PFDN2: variants seen among roughly 807,000 people sequenced by gnomAD.
PFDN2 encodes the protein prefoldin subunit 2, also known as prefoldin 2.
PFDN2 carries 7 observed loss-of-function variants against 18.3 expected under a neutral mutation model. The ratio of observed to expected loss-of-function variants is 0.38; its 90% CI spans 0.22 to 0.72. The LOEUF (loss-of-function observed/expected upper bound fraction) is 0.72, where lower values mean the gene tolerates loss of function less well. Among genes scored for constraint, PFDN2 ranks in the 30% least tolerant of loss-of-function variants. The pLI, the probability that PFDN2 is intolerant of heterozygous loss-of-function variation, is 0.47. For synonymous variants in PFDN2, 76 were observed against 75.0 expected (o/e 1.01, Z -0.07); for missense variants, 181 against 199.1 (o/e 0.91, Z 0.55).
At chr1:161,108,083 C>A (rs1654721782) in intron 1 of PFDN2, among the ~76,000 whole-genome samples, 1 of 149,276 alleles carries the variant, frequency 6.7e-6, no homozygotes, top group South Asian at 2.1e-4. Flanking sequence ...CCACTGCACT[C>A]CAACCTAGGC....
At position 161,100,609 on chromosome 1, in the gene PFDN2, AAATAAT is replaced by A. The variant is rs938638978; in HGVS notation, c.*68_*73del. Reference sequence around the variant, plus strand: ...CAAAAAAATATTACAATAGCAGAGAAAATAATAATAATAACAATAAAGAGAAATTAG... The same window carrying A: ...CAAAAAAATATTACAATAGCAGAGAAAATAATAACAATAAAGAGAAATTAG... On this transcript the variant is annotated 3_prime_UTR_variant, in exon 4 of 4. Transcript: ENST00000368010. 20 of 1,063,894 alleles carry A rather than the reference AAATAAT, an allele frequency of 1.9e-5. No homozygotes were observed. The highest frequency in any genetic ancestry group is 4.8e-5 in the African/African-American group (3 of 62,084). The allele number at this position is 1,063,894 out of a possible 1,614,324, so 65.9% of individuals were successfully genotyped here.
chr1:161,118,030 C>G lies in PFDN2; in HGVS notation c.-4G>C, dbSNP rs967333892. The G allele has an allele frequency of 1.2e-6, 2 of 1,611,178 alleles. No individual in the cohort carries two copies. Among genetic ancestry groups the G allele is most frequent in the Middle Eastern group, 1.7e-4 (1 of 6,052 alleles). On this transcript the variant is annotated 5_prime_UTR_variant, in exon 1 of 4. Transcript: ENST00000368010. ...CGCGACCGCTGTTCTCCGCCATCTT[C>G]GCCGCCTGCTGGGTTTCCGGCCGGC...
intron 1 of PFDN2, among the ~76,000 whole-genome samples, chr1:161,116,549 C>T (rs1269461801): frequency 1.3e-5 from 2 of 152,168 alleles, no homozygotes; most frequent in African/African-American, 2.4e-5. Context: ...GTTCCTTTTC[C>T]CTTCCCCCAC....
At chr1:161,114,593 A>C (rs962145834) in intron 1 of PFDN2, among the ~76,000 whole-genome samples, 4 of 152,212 alleles carry the variant, frequency 2.6e-5, no homozygotes, top group African/African-American at 9.7e-5. Flanking sequence ...CACACACTAT[A>C]TTCTAATCAC....
intron 1 of PFDN2, among the ~76,000 whole-genome samples, chr1:161,109,294 T>C (rs377242692): frequency 6.6e-6 from 1 of 152,236 alleles, no homozygotes; most frequent in Admixed American, 6.5e-5. Context: ...GGTTTCAACT[T>C]AGATTCTTCT....
At chr1:161,105,980 T>G (rs1371482818) in intron 1 of PFDN2, among the ~76,000 whole-genome samples, 1 of 152,164 alleles carries the variant, frequency 6.6e-6, no homozygotes, top group Non-Finnish European at 1.5e-5. Flanking sequence ...AAGTTTCATA[T>G]TGAAATATAA....
At chr1:161,112,193 C>T (rs1654825707) in intron 1 of PFDN2, among the ~76,000 whole-genome samples, 1 of 152,074 alleles carries the variant, frequency 6.6e-6, no homozygotes, top group Non-Finnish European at 1.5e-5. Flanking sequence ...CAGATAATAC[C>T]TGCCTCACAG....
At position 161,100,758 on chromosome 1, in the gene PFDN2, ATCT is replaced by A. The variant is rs2101697295; in HGVS notation, c.387_389del (p.Glu129del). 1 of 1,614,092 alleles carries A rather than the reference ATCT, an allele frequency of 6.2e-7. No homozygotes were observed. Among genetic ancestry groups the A allele is most frequent in the East Asian group, 2.2e-5 (1 of 44,890 alleles). On this transcript the variant is annotated inframe_deletion, in exon 4 of 4. Transcript: ENST00000368010. ...AGTTTTCCTTGGCTGCTGGCTTCTC[ATCT>A]TCTCCCATGAGACGAATGTTGTGCT... is the stretch of plus-strand genomic sequence containing the variant.
chr1:161,117,713 C>T (rs113915633), intron 1 of PFDN2, among the ~76,000 whole-genome samples: 2 of 152,232 alleles, frequency 1.3e-5, no homozygotes, highest in Admixed American at 6.5e-5. Flanking sequence ...CCAGACCCTA[C>T]ATGTCAGGGC....
chr1:161,102,406 G>A (rs758834293), intron 1 of PFDN2, 31 bp from the exon 2 acceptor site: 1 of 1,567,594 alleles, frequency 6.4e-7, no homozygotes, highest in Non-Finnish European at 8.8e-7. Flanking sequence ...ATGAAAGAGG[G>A]GATAGTGGAA....
intron 1 of PFDN2, among the ~76,000 whole-genome samples, chr1:161,110,139 C>T (rs536568739): frequency 1.4e-4 from 22 of 151,866 alleles, no homozygotes; most frequent in African/African-American, 2.4e-4. Flanking sequence ...GCAGGCAGAC[C>T]ACTTGAGCTC....
At chr1:161,101,624 A>T (rs1340175450) in intron 3 of PFDN2, among the ~76,000 whole-genome samples, 1 of 152,232 alleles carries the variant, frequency 6.6e-6, no homozygotes, top group Non-Finnish European at 1.5e-5. Context: ...AACACACACT[A>T]TGAGAAACAT....
In PFDN2 at chr1:161,106,678, C is replaced by A. The variant is rs138441242; in HGVS notation, c.76-4303G>T. Among the ~76,000 whole-genome samples, 219 of 152,274 alleles carry A rather than the reference C, an allele frequency of 1.4e-3. 2 individuals carry two copies. Among genetic ancestry groups the A allele is most frequent in the Admixed American group, 9.9e-3 (151 of 15,280 alleles). On this transcript the variant is annotated intron_variant, in intron 1 of 3. Coordinates refer to ENST00000368010, the MANE Select transcript of PFDN2 (RefSeq NM_012394.4). ...ACTTGAACTCCTGATTCATCTGTTGCCCAGATGGAGTACAGTGGTGCAATC... is the reference window on the plus strand; with the variant it reads ...ACTTGAACTCCTGATTCATCTGTTGACCAGATGGAGTACAGTGGTGCAATC...
intron 3 of PFDN2, 48 bp from the exon 4 acceptor site, chr1:161,100,907 C>T (rs756765239): frequency 1.4e-6 from 2 of 1,417,274 alleles, no homozygotes; most frequent in Non-Finnish European, 9.9e-7. Flanking sequence ...GGACTCCTTT[C>T]CCCCACCTGG....
At chr1:161,110,475 TTTC>T (rs1654781223) in intron 1 of PFDN2, among the ~76,000 whole-genome samples, 1 of 152,236 alleles carries the variant, frequency 6.6e-6, no homozygotes, top group Non-Finnish European at 1.5e-5. Flanking sequence ...CAAATATTAA[TTTC>T]TTATCAAAGC....
At chr1:161,111,229 A>C (rs1654803758) in intron 1 of PFDN2, among the ~76,000 whole-genome samples, 1 of 152,178 alleles carries the variant, frequency 6.6e-6, no homozygotes, top group African/African-American at 2.4e-5. Context: ...AAGTACTGGG[A>C]TCCAAGTAGC....
chr1:161,116,465 G>A (rs1654926544), intron 1 of PFDN2, among the ~76,000 whole-genome samples: 9 of 151,352 alleles, frequency 5.9e-5, no homozygotes, highest in Admixed American at 4.6e-4. Context: ...AGTCAGCCGA[G>A]ATCACGCCAC....
Position 161,102,092 on chromosome 1 carries a change from T to C in PFDN2, c.244A>G (p.Thr82Ala). ...AAAGCGGGCAGCACCTCTTTGACAG[T>C]TCGCTCCACCAGCACTCCTCCAACC... Reference protein sequence around the residue: ...RMVGGVLVERTVKEVLPALEN... With the variant: ...RMVGGVLVERAVKEVLPALEN... The change falls in exon 3 of 4, where the codon ACT (threonine) becomes GCT (alanine). Residue 82 changes from threonine to alanine, a missense_variant. Coordinates refer to ENST00000368010, the MANE Select transcript of PFDN2 (RefSeq NM_012394.4). 1 of 1,614,224 alleles carries C rather than the reference T, an allele frequency of 6.2e-7. No individual in the cohort carries two copies. Among genetic ancestry groups the C allele is most frequent in the Non-Finnish European group, 8.5e-7 (1 of 1,180,034 alleles).
At chr1:161,105,947 G>C (rs957868458) in intron 1 of PFDN2, among the ~76,000 whole-genome samples, 34 of 152,170 alleles carry the variant, frequency 2.2e-4, no homozygotes, top group African/African-American at 7.7e-4. Flanking sequence ...CTTAGCAGCT[G>C]ATATAGTTTA....
Sources: gnomAD v4.1 joint callset for allele counts (sites outside exome capture counted in the v4.1 genomes callset) on GRCh38, gnomAD v4.1.1 for gene constraint, MANE v1.5 for transcripts, NCBI Gene and HGNC (gene_info 2026-07-23, HGNC 2026-07-21) for gene names.